The following CD109 variants were observed in gnomAD, a reference collection of about 807,000 sequenced individuals.
CD109 encodes CD109 antigen.
CD109 carries 149 observed loss-of-function variants against 165.8 expected under a neutral mutation model. That is an observed-to-expected ratio of 0.90 (90% CI 0.79 to 1.03). CD109 has a LOEUF of 1.03. Ranked by LOEUF, CD109 falls within the 50% of genes least tolerant of loss-of-function variation. CD109 has a pLI of 0.00. For missense variants in CD109, 1,712 were observed against 1,677.8 expected (o/e 1.02, Z -0.36); for synonymous variants, 585 against 592.1 (o/e 0.99, Z 0.18).
chr6:73,716,886 T>C (rs1434753169), intron 2 of CD109, among the ~76,000 whole-genome samples: 1 of 152,222 alleles, frequency 6.6e-6, no homozygotes, highest in Non-Finnish European at 1.5e-5. Context: ...CTCCAAAGTT[T>C]TCTTTTAGTA....
chr6:73,736,751 A>G (rs1772561502), intron 5 of CD109, among the ~76,000 whole-genome samples: 1 of 152,204 alleles, frequency 6.6e-6, no homozygotes. Flanking sequence ...AGGTTAAAAC[A>G]TTTTGACATT....
Position 73,820,358 on chromosome 6 carries a change from T to G in CD109, c.4060-103T>G, listed in dbSNP as rs1267772079. On this transcript the variant is annotated intron_variant, in intron 31 of 32. Coordinates refer to ENST00000287097, the MANE Select transcript of CD109 (RefSeq NM_133493.5). ...CTGACATGTAGAAATCCTCCCTAAG[T>G]GTTAGTCTCTGTTTCCTAAAATGAT... is the stretch of plus-strand genomic sequence containing the variant. 7 of 606,942 alleles carry G rather than the reference T, an allele frequency of 1.2e-5. No individual in the cohort carries two copies. In the Admixed American group the frequency reaches 1.6e-4, roughly 14 times the overall value. The allele number at this position is 606,942 out of a possible 1,614,324, so 37.6% of individuals were successfully genotyped here.
At position 73,786,441 on chromosome 6, in the gene CD109, T is replaced by C. The variant is rs148212019; in HGVS notation, c.2338-793T>C. On this transcript the variant is annotated intron_variant, in intron 20 of 32. Coordinates refer to ENST00000287097, the MANE Select transcript of CD109 (RefSeq NM_133493.5). Reference sequence around the variant, plus strand: ...TTATTGGCATATTTGGCTGACAAAGTGGGAAGTAAATTTTTTTAATTTTTT... The same window carrying C: ...TTATTGGCATATTTGGCTGACAAAGCGGGAAGTAAATTTTTTTAATTTTTT... Among the ~76,000 whole-genome samples the C allele has an allele frequency of 8.7e-4, 133 of 152,142 alleles. 2 individuals are homozygous for C. The East Asian group carries it at 0.023, about 27-fold the overall frequency.
intron 2 of CD109, among the ~76,000 whole-genome samples, chr6:73,719,135 A>G (rs1354589769): frequency 1.3e-5 from 2 of 152,202 alleles, no homozygotes; most frequent in Non-Finnish European, 2.9e-5. Flanking sequence ...AGTCTCAGAA[A>G]TATGGGGTGT....
chr6:73,810,062 C>T lies in CD109; in HGVS notation c.3434C>T (p.Ala1145Val). 1 of 1,608,294 alleles carries T rather than the reference C, an allele frequency of 6.2e-7. No individual in the cohort carries two copies. The highest frequency in any genetic ancestry group is 8.5e-7 in the Non-Finnish European group (1 of 1,178,150). Reference protein sequence around the residue: ...WQPRSLDIEVAAYALLSHFLQ... With the variant: ...WQPRSLDIEVVAYALLSHFLQ... ...CCACGCTCCCTGGATATTGAAGTTG[C>T]AGCCTATGCACTGCTCTCACACTTC... Residue 1145 changes from alanine to valine, a missense_variant, in exon 27 of 33, where the codon GCA becomes GTA. Coordinates refer to ENST00000287097, the MANE Select transcript of CD109 (RefSeq NM_133493.5).
At chr6:73,752,042 C>T (rs1477962107) in intron 5 of CD109, among the ~76,000 whole-genome samples, 1 of 152,144 alleles carries the variant, frequency 6.6e-6, no homozygotes, top group Non-Finnish European at 1.5e-5. Flanking sequence ...AAATTCAGTG[C>T]CTTTCTTAAA....
chr6:73,712,959 G>T (rs974861982), intron 2 of CD109, among the ~76,000 whole-genome samples: 1 of 152,212 alleles, frequency 6.6e-6, no homozygotes, highest in Non-Finnish European at 1.5e-5. Flanking sequence ...TCCCGTGTCT[G>T]AATGGAGCCT....
intron 26 of CD109, among the ~76,000 whole-genome samples, chr6:73,808,704 A>G (rs1775656127): frequency 6.6e-6 from 1 of 152,178 alleles, no homozygotes; most frequent in African/African-American, 2.4e-5. Flanking sequence ...AAATGCTCAA[A>G]AATAGGAACT....
At chr6:73,778,081 C>G (rs1277315576) in intron 15 of CD109, among the ~76,000 whole-genome samples, 2 of 152,138 alleles carry the variant, frequency 1.3e-5, no homozygotes, top group Non-Finnish European at 2.9e-5. Flanking sequence ...TCTATGATTT[C>G]TTTGAGCAGT....
At chr6:73,771,126 T>G (rs1774017354) in intron 14 of CD109, among the ~76,000 whole-genome samples, 2 of 152,214 alleles carry the variant, frequency 1.3e-5, no homozygotes, top group South Asian at 4.1e-4. Flanking sequence ...TAGACACTGC[T>G]GTCTTCTACT....
chr6:73,712,866 A>C (rs962411505), intron 2 of CD109, among the ~76,000 whole-genome samples: 1 of 152,228 alleles, frequency 6.6e-6, no homozygotes, highest in Admixed American at 6.5e-5. Flanking sequence ...AAAAACACTA[A>C]GAAGAACCTT....
In CD109 at chr6:73,810,920, A is replaced by G. The variant is rs1775732912; in HGVS notation, c.3547-72A>G. ...AGGTGTATGAATATCCAGCAACAAA[A>G]TACTACTAAATTTACTCTTTGAAGA... On this transcript the variant is annotated intron_variant, in intron 27 of 32. Transcript: ENST00000287097. 6.9e-6 allele frequency: 10 copies of G among 1,443,246 alleles called. No individual in the cohort carries two copies. In the Admixed American group the frequency reaches 1.7e-4, roughly 24 times the overall value. The allele number at this position is 1,443,246 out of a possible 1,614,324, so 89.4% of individuals were successfully genotyped here. A position where few individuals can be genotyped will look rare whatever the true frequency, so the allele number is the denominator to read the frequency against.
chr6:73,696,292 A>T lies in CD109; in HGVS notation c.74+3A>T, dbSNP rs1285728112. ...GCCGCGCTGGCCGTGGCTCCCGGGT[A>T]GGAACGTGGGCGCGCGGGGGGCGCG... On this transcript the variant is annotated splice_donor_region_variant and intron_variant, in intron 1 of 32. Transcript: ENST00000287097. 6.6e-7 allele frequency: 1 copy of T among 1,517,274 alleles called. No homozygotes were observed. Among genetic ancestry groups the T allele is most frequent in the East Asian group, 2.6e-5 (1 of 38,146 alleles). 94.0% of individuals were successfully genotyped at this position (1,517,274 alleles called of 1,614,324 possible).
chr6:73,685,259 T>C, the CD109 span, among the ~76,000 whole-genome samples: 2 of 152,270 alleles, frequency 1.3e-5, no homozygotes, highest in African/African-American at 4.8e-5. Context: ...TTGAGTTCCT[T>C]ATATATTCTG....
At chr6:73,704,359 C>T (rs1000204188) in intron 2 of CD109, among the ~76,000 whole-genome samples, 33 of 152,212 alleles carry the variant, frequency 2.2e-4, no homozygotes, top group African/African-American at 3.9e-4. Context: ...TTCATGGCGG[C>T]GGAGGGAAGG....
At chr6:73,727,975 A>T (rs751029093) in intron 3 of CD109, among the ~76,000 whole-genome samples, 2 of 152,144 alleles carry the variant, frequency 1.3e-5, no homozygotes, top group Non-Finnish European at 2.9e-5. Context: ...TCTTTGGTTC[A>T]TGTTGTATCC....
chr6:73,823,402 A>G (rs970592430), intron 32 of CD109, 56 bp from the exon 33 acceptor site: 14 of 1,386,430 alleles, frequency 1.0e-5, no homozygotes, highest in Admixed American at 8.7e-5. Context: ...ATTTTGGCAA[A>G]GTCAATGTTT....
intron 24 of CD109, among the ~76,000 whole-genome samples, chr6:73,805,457 T>C (rs1582189205): frequency 1.3e-5 from 2 of 152,250 alleles, no homozygotes; most frequent in Non-Finnish European, 2.9e-5. Context: ...AATCGGATTT[T>C]ATACCGAGAC....
intron 23 of CD109, among the ~76,000 whole-genome samples, chr6:73,796,130 A>G (rs1156452114): frequency 3.3e-5 from 5 of 152,142 alleles, no homozygotes; most frequent in East Asian, 3.9e-4. Flanking sequence ...GACTACTCCA[A>G]TGGCTTCCTG....
Sources: allele counts gnomAD v4.1 joint callset (sites outside exome capture counted in the v4.1 genomes callset), GRCh38; gene constraint gnomAD v4.1.1; transcripts MANE v1.5; gene names NCBI Gene and HGNC (gene_info 2026-07-23, HGNC 2026-07-21).